The following CPEB3 variants were observed in gnomAD, a reference collection of about 807,000 sequenced individuals.
The protein encoded by CPEB3 is cytoplasmic polyadenylation element binding protein 3.
CPEB3 carries 20 observed loss-of-function variants against 67.2 expected under a neutral mutation model. The ratio of observed to expected loss-of-function variants is 0.30; its 90% CI spans 0.21 to 0.43. CPEB3 has a LOEUF of 0.43. Ranked by LOEUF, CPEB3 falls within the 20% of genes least tolerant of loss-of-function variation. The pLI, the probability that CPEB3 is intolerant of heterozygous loss-of-function variation, is 1.00. For missense variants in CPEB3, 746 were observed against 968.6 expected (o/e 0.77, Z 3.05); for synonymous variants, 376 against 393.1 (o/e 0.96, Z 0.51).
At position 92,158,857 on chromosome 10, in the gene CPEB3, G is replaced by C. The variant is rs569288297; in HGVS notation, c.1223-13772C>G. On this transcript the variant is annotated intron_variant, in intron 4 of 9. Coordinates refer to ENST00000265997, the MANE Select transcript of CPEB3 (RefSeq NM_014912.5). Reference sequence around the variant, plus strand: ...TAATAGAGCTAGACTGTGGTATCATGTATCACTAAAAGATCCTGTCAAGCG... The same window carrying C: ...TAATAGAGCTAGACTGTGGTATCATCTATCACTAAAAGATCCTGTCAAGCG... 2.4e-4 allele frequency among the ~76,000 whole-genome samples: 37 copies of C among 152,324 alleles called. No homozygotes were observed. In the South Asian group the frequency reaches 7.7e-3, roughly 32 times the overall value.
chr10:92,169,642 A>G (rs184891801), intron 4 of CPEB3, among the ~76,000 whole-genome samples: 1 of 152,314 alleles, frequency 6.6e-6, no homozygotes, highest in Non-Finnish European at 1.5e-5. Context: ...ACACAACTAG[A>G]AAACCAAAGA....
intron 2 of CPEB3, among the ~76,000 whole-genome samples, chr10:92,219,437 G>A (rs752961513): frequency 5.9e-5 from 9 of 152,230 alleles, no homozygotes; most frequent in Admixed American, 4.6e-4. Context: ...CCCCTTGTAT[G>A]CTTCAACCTT....
rs1044943670 is a variant in CPEB3, at chr10:92,240,316, G to T, written c.35C>A (p.Thr12Asn). The T allele has an allele frequency of 5.1e-5, 77 of 1,498,294 alleles. No individual in the cohort carries two copies. The highest frequency in any genetic ancestry group is 6.7e-5 in the Non-Finnish European group (75 of 1,124,474). The allele number at this position is 1,498,294 out of a possible 1,614,324, so 92.8% of individuals were successfully genotyped here. The change falls in exon 2 of 10, where the codon ACC becomes AAC. Residue 12 changes from threonine (T) to asparagine (N), a missense_variant. Physicochemically the swap from Thr to Asn is moderately conservative, Grantham distance 65 (BLOSUM62 0). Around this residue, in one of 2 missense-constraint regions of CPEB3, gnomAD observed 643 missense variants for 717.5 expected, o/e 0.90. Coordinates refer to ENST00000265997, the MANE Select transcript of CPEB3 (RefSeq NM_014912.5). The part of the protein sequence containing the change: ...QDDLLMDKSK[T>N]QPQPQQQQRQ... ...CTGCTGCTGCTGGGGCTGGGGCTGG[G>T]TTTTGCTTTTGTCCATCAGTAAATC...
intron 8 of CPEB3, among the ~76,000 whole-genome samples, chr10:92,081,979 A>G (rs1001023614): frequency 4.6e-5 from 7 of 152,214 alleles, no homozygotes; most frequent in African/African-American, 1.4e-4. Context: ...TGTTTTAACT[A>G]GAGACAATTT....
intron 6 of CPEB3, among the ~76,000 whole-genome samples, chr10:92,135,165 A>G (rs901441993): frequency 5.9e-5 from 9 of 152,256 alleles, no homozygotes; most frequent in South Asian, 2.1e-4. Context: ...TAGACAAATC[A>G]GATCTAATTA....
At chr10:92,290,188 C>T (rs1430320736) in intron 1 of CPEB3, among the ~76,000 whole-genome samples, 1 of 151,972 alleles carries the variant, frequency 6.6e-6, no homozygotes, top group Non-Finnish European at 1.5e-5. Flanking sequence ...GGAAAACTAC[C>T]AGCGTCCTAC....
intron 9 of CPEB3, 86 bp downstream of exon 9, chr10:92,081,234 G>A: frequency 7.1e-7 from 1 of 1,414,688 alleles, no homozygotes; most frequent in East Asian, 2.3e-5. Flanking sequence ...GGTCACTTAT[G>A]ATCATAAGGT....
At chr10:92,154,119 T>C (rs1286053819) in intron 4 of CPEB3, among the ~76,000 whole-genome samples, 1 of 152,324 alleles carries the variant, frequency 6.6e-6, no homozygotes, top group Non-Finnish European at 1.5e-5. Context: ...AAGCACAGCA[T>C]ATATTAAATG....
chr10:92,074,039 A>G (rs1842851636), intron 9 of CPEB3, among the ~76,000 whole-genome samples: 1 of 152,212 alleles, frequency 6.6e-6, no homozygotes, highest in Non-Finnish European at 1.5e-5. Flanking sequence ...ACAGTTGGAT[A>G]TGTGAAAGAA....
chr10:92,260,444 G>T, intron 1 of CPEB3, among the ~76,000 whole-genome samples: 1 of 150,984 alleles, frequency 6.6e-6, no homozygotes. Context: ...CCAGCTACTC[G>T]GGAGGCTGAG....
chr10:92,209,835 G>T (rs1849985924), intron 2 of CPEB3, among the ~76,000 whole-genome samples: 1 of 151,378 alleles, frequency 6.6e-6, no homozygotes, highest in Non-Finnish European at 1.5e-5. Context: ...TACTCAGGAG[G>T]CTGAGGCAGG....
chr10:92,168,594 C>T (rs1847855176), intron 4 of CPEB3, among the ~76,000 whole-genome samples: 1 of 152,048 alleles, frequency 6.6e-6, no homozygotes, highest in African/African-American at 2.4e-5. Flanking sequence ...TACCCCCATG[C>T]TGCTGTTCTC....
intron 6 of CPEB3, among the ~76,000 whole-genome samples, chr10:92,136,077 G>A (rs1846080829): frequency 6.6e-6 from 1 of 151,920 alleles, no homozygotes; most frequent in Non-Finnish European, 1.5e-5. Context: ...GAGTTAATGG[G>A]TGCAGCAAAC....
At chr10:92,206,165 G>A (rs533442452) in intron 2 of CPEB3, among the ~76,000 whole-genome samples, 35 of 150,458 alleles carry the variant, frequency 2.3e-4, no homozygotes, top group African/African-American at 7.8e-4. Context: ...TCCACCTCCC[G>A]GGTTCAAGAG....
Position 92,223,788 on chromosome 10 carries a change from G to A in CPEB3, c.1005+15558C>T, listed in dbSNP as rs576741073. 5.1e-4 allele frequency among the ~76,000 whole-genome samples: 73 copies of A among 144,516 alleles called. No homozygotes were observed. In the South Asian group the frequency reaches 8.4e-3, roughly 17 times the overall value. 94.8% of individuals were successfully genotyped at this position (144,516 alleles called of 152,430 possible). ...TTTTGAGTCAGAGTCTCACTCTCTC[G>A]CCCAGGCTGGAGTGCAATGATGTGA... On this transcript the variant is annotated intron_variant, in intron 2 of 9. Coordinates refer to ENST00000265997, the MANE Select transcript of CPEB3 (RefSeq NM_014912.5).
intron 7 of CPEB3, among the ~76,000 whole-genome samples, chr10:92,098,639 GAGTTTAAC>G (rs1360466218): frequency 3.3e-5 from 5 of 152,048 alleles, no homozygotes; most frequent in African/African-American, 1.2e-4. Flanking sequence ...CGCTTCTATA[GAGTTTAAC>G]TTTAAATGAT....
intron 1 of CPEB3, among the ~76,000 whole-genome samples, chr10:92,241,723 G>A (rs528642025): frequency 6.6e-6 from 1 of 152,222 alleles, no homozygotes; most frequent in African/African-American, 2.4e-5. Context: ...CCCGGAGACT[G>A]CCATACATGT....
rs553144071 is a variant in CPEB3 at position 92,196,913 on chromosome 10, C to T, written c.1006-4277G>A. On this transcript the variant is annotated intron_variant, in intron 2 of 9. Coordinates refer to ENST00000265997, the MANE Select transcript of CPEB3 (RefSeq NM_014912.5). ...CACCACTGCACTACAGCCTGGGCAA[C>T]AGAGTGAGACCCCATCTCAAAAAAA... Among the ~76,000 whole-genome samples the T allele has an allele frequency of 8.0e-5, 12 of 149,874 alleles. No homozygotes were observed. In the South Asian group the frequency reaches 8.4e-4, roughly 11 times the overall value.
intron 3 of CPEB3, among the ~76,000 whole-genome samples, chr10:92,183,392 C>T (rs538024434): frequency 6.6e-6 from 1 of 152,284 alleles, no homozygotes; most frequent in African/African-American, 2.4e-5. Flanking sequence ...CTACCACCAC[C>T]TTGATCAGAA....
Sources: gnomAD v4.1 joint callset for allele counts (sites outside exome capture counted in the v4.1 genomes callset) on GRCh38, gnomAD v4.1.1 for gene constraint, gnomAD v4.1.1 regional missense constraint, MANE v1.5 for transcripts, NCBI Gene and HGNC (gene_info 2026-07-23, HGNC 2026-07-21) for gene names.